Variants in ADK observed in about 807,000 individuals in gnomAD.
The protein encoded by ADK is N6,N6-dimethyladenosine kinase.
In ADK, 24 loss-of-function variants were observed where a neutral mutation model predicts 44.7. The observed-to-expected ratio is 0.54, with a 90% CI of 0.39 to 0.76. ADK has a LOEUF of 0.76. Among genes scored for constraint, ADK ranks in the 30% least tolerant of loss-of-function variants. The pLI is 0.00. For synonymous variants in ADK, 128 were observed against 142.6 expected (o/e 0.90, Z 0.73); for missense variants, 321 against 425.1 (o/e 0.76, Z 2.15).
chr10:74,174,394 A>G (rs1842260848), intron 1 of ADK: 1 of 151,436 alleles, frequency 6.6e-6, no homozygotes, highest in South Asian at 2.1e-4. Flanking sequence ...TGCAAACCAG[A>G]TACCTTTTGC....
intron 4 of ADK, chr10:74,372,480 TAAA>T: frequency 3.2e-6 from 1 of 309,040 alleles, no homozygotes; most frequent in South Asian, 5.0e-5. Context: ...AATGTCAGTT[TAAA>T]AAAAAAAAAG....
At chr10:74,238,309 A>G (rs1277920560) in intron 3 of ADK, among the ~76,000 whole-genome samples, 1 of 152,170 alleles carries the variant, frequency 6.6e-6, no homozygotes, top group African/African-American at 2.4e-5. Flanking sequence ...ATGCTTCCTT[A>G]TAACTGAACA....
chr10:74,280,106 G>A (rs1218381626), intron 3 of ADK, among the ~76,000 whole-genome samples: 1 of 151,908 alleles, frequency 6.6e-6, no homozygotes, highest in African/African-American at 2.4e-5. Flanking sequence ...TATTTTTTTG[G>A]TGGGATTGTG....
Position 74,708,683 on chromosome 10 carries a change from C to T in ADK, c.*238C>T. 1.0e-5 allele frequency: 4 copies of T among 400,640 alleles called. No homozygotes were observed. Among genetic ancestry groups the T allele is most frequent in the Non-Finnish European group, 1.9e-5 (4 of 215,350 alleles). The allele number at this position is 400,640 out of a possible 1,614,324, so 24.8% of individuals were successfully genotyped here. On this transcript the variant is annotated 3_prime_UTR_variant, in exon 11 of 11. Transcript: ENST00000539909. ...TAGTGCCACTTAAATGCCAATTAAA[C>T]AAGAATATAACATTTCAATAGAAAT...
chr10:74,176,982 C>T (rs1842365954), intron 1 of ADK: 4 of 1,519,498 alleles, frequency 2.6e-6, no homozygotes, highest in Admixed American at 1.9e-5. Flanking sequence ...GGTCTGGAGC[C>T]TGCCTCCGCC....
At chr10:74,231,225 G>A (rs1001171200) in intron 3 of ADK, among the ~76,000 whole-genome samples, 1 of 152,146 alleles carries the variant, frequency 6.6e-6, no homozygotes, top group Non-Finnish European at 1.5e-5. Flanking sequence ...TGATACAAAA[G>A]CTCTTAGGTG....
chr10:74,356,356 A>G (rs1270675311), intron 4 of ADK, among the ~76,000 whole-genome samples: 1 of 152,166 alleles, frequency 6.6e-6, no homozygotes, highest in Non-Finnish European at 1.5e-5. Flanking sequence ...ATATCTTGAT[A>G]TTCTGTTAGC....
intron 7 of ADK, chr10:74,551,553 A>G (rs540450752): frequency 1.3e-5 from 2 of 152,362 alleles, no homozygotes; most frequent in South Asian, 4.1e-4. Flanking sequence ...ACCTTTCCCC[A>G]GAAGACATTG....
chr10:74,371,546 C>G, intron 4 of ADK: 1 of 1,127,486 alleles, frequency 8.9e-7, no homozygotes, highest in South Asian at 1.3e-5. Context: ...TGTCTGGAGC[C>G]CTTGATGTCC....
At chr10:74,535,242 C>A (rs1849410878) in intron 7 of ADK, among the ~76,000 whole-genome samples, 1 of 152,116 alleles carries the variant, frequency 6.6e-6, no homozygotes, top group African/African-American at 2.4e-5. Flanking sequence ...GGGAGGATTG[C>A]TTGAGCAGAG....
At chr10:74,625,128 G>A (rs1422062320) in intron 9 of ADK, among the ~76,000 whole-genome samples, 1 of 152,098 alleles carries the variant, frequency 6.6e-6, no homozygotes, top group Non-Finnish European at 1.5e-5. Flanking sequence ...AAATCTAGAA[G>A]AGACATACTT....
intron 6 of ADK, among the ~76,000 whole-genome samples, chr10:74,485,094 G>A (rs1589158681): frequency 6.6e-6 from 1 of 151,852 alleles, no homozygotes; most frequent in African/African-American, 2.4e-5. Context: ...AGATTAAAAG[G>A]CAAGCCACTG....
intron 6 of ADK, among the ~76,000 whole-genome samples, chr10:74,422,983 G>A (rs947004675): frequency 9.9e-5 from 15 of 152,118 alleles, no homozygotes; most frequent in Admixed American, 7.2e-4. Flanking sequence ...CCCTTCCCTA[G>A]CTGCTCATCA....
chr10:74,702,189 GA>G (rs1564860222), intron 10 of ADK, among the ~76,000 whole-genome samples: 1 of 150,534 alleles, frequency 6.6e-6, no homozygotes, highest in Non-Finnish European at 1.5e-5. Context: ...ATATTTATGT[GA>G]TTTTTTTTTT....
chr10:74,409,679 A>C (rs1844093849), intron 6 of ADK, among the ~76,000 whole-genome samples: 2 of 151,982 alleles, frequency 1.3e-5, no homozygotes, highest in African/African-American at 4.8e-5. Flanking sequence ...GGTTTTTGTG[A>C]GGGTAGAGTT....
intron 9 of ADK, among the ~76,000 whole-genome samples, chr10:74,649,926 G>A (rs909319401): frequency 7.2e-5 from 11 of 152,144 alleles, no homozygotes; most frequent in Non-Finnish European, 1.5e-5. Context: ...TCAAAACCAA[G>A]ATACCTGATT....
chr10:74,520,656 A>T (rs1414574245), intron 6 of ADK, among the ~76,000 whole-genome samples: 2 of 151,962 alleles, frequency 1.3e-5, no homozygotes, highest in Admixed American at 1.3e-4. Context: ...GTTGTTTCTA[A>T]CATTCCCTCA....
intron 4 of ADK, among the ~76,000 whole-genome samples, chr10:74,332,072 G>A (rs902075139): frequency 6.6e-6 from 1 of 151,950 alleles, no homozygotes; most frequent in Admixed American, 6.6e-5. Context: ...TGACCAGGCT[G>A]GTATTAAACT....
At chr10:74,199,826 C>G (rs1433855030) in intron 1 of ADK, among the ~76,000 whole-genome samples, 1 of 151,978 alleles carries the variant, frequency 6.6e-6, no homozygotes, top group East Asian at 1.9e-4. Flanking sequence ...ACTACAGGTG[C>G]TCGCCACTAC....
Sources: allele counts gnomAD v4.1 joint callset (sites outside exome capture counted in the v4.1 genomes callset), GRCh38; gene constraint gnomAD v4.1.1; transcripts MANE v1.5; gene names NCBI Gene and HGNC (gene_info 2026-07-23, HGNC 2026-07-21).